Variants in ANO4 observed in about 807,000 individuals in gnomAD.
ANO4 encodes the protein anoctamin-4.
ANO4 carries 69 observed loss-of-function variants against 141.9 expected under a neutral mutation model. That is an observed-to-expected ratio of 0.49 (90% CI 0.40 to 0.59). The LOEUF (loss-of-function observed/expected upper bound fraction) is 0.59. Ranked by LOEUF, ANO4 falls within the 20% of genes least tolerant of loss-of-function variation. The probability of loss-of-function intolerance (pLI) is 0.00; values close to 1 mark genes in which losing one functional copy is unlikely to be tolerated. For synonymous variants in ANO4, 350 were observed against 394.3 expected (o/e 0.89, Z 1.33); for missense variants, 894 against 1,162.2 (o/e 0.77, Z 3.36).
intron 1 of ANO4, among the ~76,000 whole-genome samples, chr12:100,892,853 A>AGGGC (rs573589768): frequency 1.4e-3 from 210 of 151,848 alleles, no homozygotes; most frequent in African/African-American, 4.9e-3. Context: ...GCAGATAAGG[A>AGGGC]GGGCCGTCTG....
intron 1 of ANO4, among the ~76,000 whole-genome samples, chr12:100,829,913 C>G (rs950304848): frequency 6.6e-6 from 1 of 151,956 alleles, no homozygotes; most frequent in African/African-American, 2.4e-5. Flanking sequence ...TCAGAGGTCA[C>G]GTGTTCACAG....
At chr12:100,903,821 A>G (rs1202449259) in intron 2 of ANO4, among the ~76,000 whole-genome samples, 2 of 152,234 alleles carry the variant, frequency 1.3e-5, no homozygotes, top group East Asian at 3.8e-4. Context: ...AATTGCATCT[A>G]CAAAACACCT....
chr12:101,119,402 C>A (rs1740024651), intron 25 of ANO4, among the ~76,000 whole-genome samples: 1 of 152,006 alleles, frequency 6.6e-6, no homozygotes, highest in Non-Finnish European at 1.5e-5. Context: ...TGCAGTGAGC[C>A]AAGATCGCAC....
chr12:101,073,135 A>T (rs964372827), intron 14 of ANO4, among the ~76,000 whole-genome samples: 6 of 152,176 alleles, frequency 3.9e-5, no homozygotes, highest in African/African-American at 1.2e-4. Flanking sequence ...ACATGCACAC[A>T]TGTTTATTGC....
At position 101,097,843 on chromosome 12, in the gene ANO4, TGCA is replaced by T; in HGVS notation, c.1909-3_1909-1del. The T allele has an allele frequency of 6.2e-7, 1 of 1,613,550 alleles. No homozygotes were observed. On this transcript the variant is annotated splice_acceptor_variant and splice_polypyrimidine_tract_variant and intron_variant, in intron 20 of 27. Transcript: ENST00000392977. LOFTEE classifies it high-confidence loss of function. ...CTGGAATTTCTGTGTTTGCTTACCT[TGCA>T]GTGCCACCCTAGTGGATGCCTTATT...
At chr12:100,719,319 G>C (rs934025187) in intron 1 of ANO4, among the ~76,000 whole-genome samples, 1 of 152,164 alleles carries the variant, frequency 6.6e-6, no homozygotes. Flanking sequence ...AACCATGACA[G>C]AATAAATTAG....
intron 15 of ANO4, among the ~76,000 whole-genome samples, chr12:101,080,511 G>A (rs977255408): frequency 2.0e-5 from 3 of 152,080 alleles, no homozygotes; most frequent in African/African-American, 7.2e-5. Flanking sequence ...GCTCACACCT[G>A]TAATCCCAGC....
intron 8 of ANO4, among the ~76,000 whole-genome samples, chr12:100,988,353 G>A (rs1252161745): frequency 2.6e-5 from 4 of 151,908 alleles, no homozygotes; most frequent in Non-Finnish European, 5.9e-5. Flanking sequence ...GCAGGCAGGA[G>A]GACAGAAAAG....
chr12:100,750,587 G>A (rs2032330067), intron 3 of ANO4, among the ~76,000 whole-genome samples: 1 of 152,018 alleles, frequency 6.6e-6, no homozygotes, highest in South Asian at 2.1e-4. Flanking sequence ...TGAAGGATAG[G>A]AATAATCCTC....
intron 15 of ANO4, 49 bp downstream of exon 15, chr12:101,079,324 C>A (rs1212212759): frequency 6.8e-7 from 1 of 1,473,016 alleles, no homozygotes; most frequent in African/African-American, 1.6e-5. Flanking sequence ...TCACCCAGAA[C>A]CACACGACCC....
intron 7 of ANO4, among the ~76,000 whole-genome samples, chr12:100,986,780 G>A (rs1379458166): frequency 6.6e-6 from 1 of 152,166 alleles, no homozygotes; most frequent in Admixed American, 6.5e-5. Context: ...CAGTGATTGG[G>A]AACTGTTCAC....
At chr12:101,088,767 A>C (rs2049614584) in intron 17 of ANO4, among the ~76,000 whole-genome samples, 1 of 151,454 alleles carries the variant, frequency 6.6e-6, no homozygotes, top group East Asian at 2.0e-4. Flanking sequence ...GCACACCTGT[A>C]GTCTCAGCTA....
At chr12:101,092,639 A>G (rs1244932465) in intron 17 of ANO4, among the ~76,000 whole-genome samples, 1 of 152,188 alleles carries the variant, frequency 6.6e-6, no homozygotes, top group Non-Finnish European at 1.5e-5. Context: ...CACAGATGCC[A>G]TGGATCCCTA....
chr12:101,126,198 A>G (rs772236155), intron 26 of ANO4, among the ~76,000 whole-genome samples: 3 of 152,258 alleles, frequency 2.0e-5, no homozygotes, highest in Admixed American at 1.3e-4. Context: ...TAGCAGTATC[A>G]TTTGAACATG....
intron 3 of ANO4, among the ~76,000 whole-genome samples, chr12:100,774,960 CTG>C (rs1426723106): frequency 6.6e-6 from 1 of 152,164 alleles, no homozygotes; most frequent in African/African-American, 2.4e-5. Context: ...CTTATGCAAA[CTG>C]TATTTCAGTC....
intron 3 of ANO4, among the ~76,000 whole-genome samples, chr12:100,931,910 CTTA>C (rs1344163857): frequency 2.0e-5 from 3 of 151,742 alleles, no homozygotes; most frequent in Non-Finnish European, 2.9e-5. Flanking sequence ...TAGAGATGGA[CTTA>C]TTATAAAACA....
intron 13 of ANO4, among the ~76,000 whole-genome samples, chr12:101,044,507 T>A (rs1015033489): frequency 4.6e-5 from 7 of 152,248 alleles, no homozygotes; most frequent in Non-Finnish European, 7.3e-5. Flanking sequence ...CAAGAGCTAC[T>A]GCCTTTTGGC....
At chr12:101,003,005 A>T (rs913111387) in intron 8 of ANO4, among the ~76,000 whole-genome samples, 3 of 151,978 alleles carry the variant, frequency 2.0e-5, no homozygotes, top group Non-Finnish European at 4.4e-5. Flanking sequence ...TCTCCTCCCC[A>T]CAAACCTCAG....
rs145245639 is a variant in ANO4 at position 100,859,595 on chromosome 12, A to G, written c.-140-42051A>G. ...ATACATGGATCAAAGATAATAGAAG[A>G]CAAACATTTAAAGTGTTTTTAAAGC... On this transcript the variant is annotated intron_variant, in intron 1 of 27. Transcript: ENST00000392977. Among the ~76,000 whole-genome samples the G allele has an allele frequency of 5.2e-3, 797 of 152,308 alleles. 6 individuals are homozygous for G. The highest frequency in any genetic ancestry group is 8.6e-3 in the Admixed American group (131 of 15,294).
Sources: gnomAD v4.1 joint callset for allele counts (sites outside exome capture counted in the v4.1 genomes callset) on GRCh38, gnomAD v4.1.1 for gene constraint, MANE v1.5 for transcripts, NCBI Gene and HGNC (gene_info 2026-07-23, HGNC 2026-07-21) for gene names.